STON2: variants seen among roughly 807,000 people sequenced by gnomAD.
The protein encoded by STON2 is stonin 2.
A neutral mutation model predicts 65.7 loss-of-function variants in STON2; 29 were observed. The ratio of observed to expected loss-of-function variants is 0.44; its 90% CI spans 0.33 to 0.60. The LOEUF (loss-of-function observed/expected upper bound fraction) is 0.60, where lower values mean the gene tolerates loss of function less well. Among genes scored for constraint, STON2 ranks in the 20% least tolerant of loss-of-function variants. The pLI, the probability that STON2 is intolerant of heterozygous loss-of-function variation, is 0.03. For missense variants in STON2, 1,054 were observed against 1,118.1 expected (o/e 0.94, Z 0.82); for synonymous variants, 404 against 414.2 (o/e 0.98, Z 0.30).
At chr14:81,344,053 C>T (rs559371196) in intron 4 of STON2, among the ~76,000 whole-genome samples, 34 of 152,004 alleles carry the variant, frequency 2.2e-4, no homozygotes, top group Non-Finnish European at 2.6e-4. Flanking sequence ...CTCTTTCATA[C>T]GGAAAAGACA....
chr14:81,411,518 C>T (rs534441089), intron 2 of STON2, among the ~76,000 whole-genome samples: 1 of 152,282 alleles, frequency 6.6e-6, no homozygotes, highest in South Asian at 2.1e-4. Flanking sequence ...ACCAGCCTGA[C>T]CAACATGGTG....
chr14:81,281,689 C>A (rs181312015), intron 5 of STON2, among the ~76,000 whole-genome samples: 3 of 152,172 alleles, frequency 2.0e-5, no homozygotes, highest in African/African-American at 4.8e-5. Flanking sequence ...GAAAAAAAGG[C>A]CTTTGTCCCT....
intron 4 of STON2, among the ~76,000 whole-genome samples, chr14:81,359,186 G>A (rs1026400135): frequency 1.3e-5 from 2 of 152,182 alleles, no homozygotes; most frequent in Admixed American, 1.3e-4. Flanking sequence ...ATCATATCAA[G>A]TGTGTTTTCT....
rs1394250547 is a variant in STON2 at position 81,277,085 on chromosome 14, G to T, written c.2397C>A (p.Phe799Leu). ...YPVPSEWVKNFRRESVLGEKS... is the reference protein window; with the variant it reads ...YPVPSEWVKNLRRESVLGEKS... ...TTTCCCCCAGGACACTTTCCCTGCG[G>T]AAGTTTTTCACCCACTCACTGGGCA... Residue 799 changes from phenylalanine (F) to leucine (L), a missense_variant, in exon 6 of 8, where the codon TTC becomes TTA. Coordinates refer to ENST00000614646, the MANE Select transcript of STON2 (RefSeq NM_001394390.1). 6.2e-7 allele frequency: 1 copy of T among 1,614,148 alleles called. No individual in the cohort carries two copies. The highest frequency in any genetic ancestry group is 1.1e-5 in the South Asian group (1 of 91,086).
intron 2 of STON2, among the ~76,000 whole-genome samples, chr14:81,422,362 G>A (rs1901746787): frequency 6.6e-6 from 1 of 152,124 alleles, no homozygotes; most frequent in Non-Finnish European, 1.5e-5. Context: ...CTTCCATCCT[G>A]AGTGGAACCA....
At chr14:81,326,569 C>T (rs1193720010) in intron 4 of STON2, among the ~76,000 whole-genome samples, 1 of 152,148 alleles carries the variant, frequency 6.6e-6, no homozygotes, top group Non-Finnish European at 1.5e-5. Flanking sequence ...GGTGTACATA[C>T]AAACATATTG....
chr14:81,396,913 C>T (rs1464916282), intron 2 of STON2, among the ~76,000 whole-genome samples: 1 of 152,098 alleles, frequency 6.6e-6, no homozygotes, highest in Non-Finnish European at 1.5e-5. Context: ...ACAAAATTAG[C>T]CGGGCATGGT....
chr14:81,344,060 G>GAC lies in STON2; in HGVS notation c.572-19875_572-19874dup, dbSNP rs141052546. Among the ~76,000 whole-genome samples, 1,317 of 152,202 alleles carry GAC rather than the reference G, an allele frequency of 8.7e-3. 57 individuals carry two copies. The East Asian group carries it at 0.1, about 12-fold the overall frequency. ...GCTCATGGCTCTTTCATACGGAAAAGACAGAAATATTTGAAAGACTAGCCC... is the reference window on the plus strand; with the variant it reads ...GCTCATGGCTCTTTCATACGGAAAAGACACAGAAATATTTGAAAGACTAGCCC... On this transcript the variant is annotated intron_variant, in intron 4 of 7. Transcript: ENST00000614646.
chr14:81,372,149 CT>C (rs1473932828), intron 3 of STON2, among the ~76,000 whole-genome samples: 1 of 152,186 alleles, frequency 6.6e-6, no homozygotes, highest in Non-Finnish European at 1.5e-5. Context: ...ACTTTAAAAA[CT>C]ACTTTAGAAA....
chr14:81,417,368 GA>G (rs1225533346), intron 2 of STON2, among the ~76,000 whole-genome samples: 3 of 151,616 alleles, frequency 2.0e-5, no homozygotes, highest in Admixed American at 2.0e-4. Flanking sequence ...ATGTTCAGGA[GA>G]AAACCTTAAC....
chr14:81,358,084 G>A (rs932201114), intron 4 of STON2, among the ~76,000 whole-genome samples: 1 of 151,580 alleles, frequency 6.6e-6, no homozygotes, highest in Non-Finnish European at 1.5e-5. Flanking sequence ...AAAACCCAAT[G>A]GTATAAGTAA....
At chr14:81,355,832 G>A (rs1898206032) in intron 4 of STON2, among the ~76,000 whole-genome samples, 1 of 152,072 alleles carries the variant, frequency 6.6e-6, no homozygotes, top group East Asian at 1.9e-4. Flanking sequence ...GTATAAGAAT[G>A]CTTGTGATTT....
At chr14:81,433,254 A>C (rs1902286448) in intron 1 of STON2, among the ~76,000 whole-genome samples, 1 of 152,238 alleles carries the variant, frequency 6.6e-6, no homozygotes, top group Admixed American at 6.5e-5. Flanking sequence ...GTCATGTAAC[A>C]GATGGTGAGA....
In STON2 at chr14:81,262,977, T is replaced by C. The variant is rs920923254; in HGVS notation, c.*5437A>G. 1 of 985,454 alleles carries C rather than the reference T, an allele frequency of 1.0e-6. No individual in the cohort carries two copies. The highest frequency in any genetic ancestry group is 1.2e-6 in the Non-Finnish European group (1 of 829,906). 61.0% of individuals were successfully genotyped at this position (985,454 alleles called of 1,614,324 possible). On this transcript the variant is annotated 3_prime_UTR_variant, in exon 8 of 8. Transcript: ENST00000614646. ...GGAATTAGCACTTAGACCTTGGTAATGTTTAGAAATCATCTTTAGAAACTT... is the reference window on the plus strand; with the variant it reads ...GGAATTAGCACTTAGACCTTGGTAACGTTTAGAAATCATCTTTAGAAACTT...
intron 7 of STON2, chr14:81,269,930 C>G (rs139634844): frequency 1.0e-6 from 1 of 985,388 alleles, no homozygotes; most frequent in Non-Finnish European, 1.2e-6. Flanking sequence ...TAGCCCAGTA[C>G]CCAGGTCATG....
Position 81,278,062 on chromosome 14 carries a change from G to C in STON2, c.1420C>G (p.Pro474Ala). The change falls in exon 6 of 8, where the codon CCT (proline) becomes GCT (alanine). Residue 474 changes from proline (P) to alanine (A), a missense_variant. Pro to Ala is a conservative substitution (Grantham distance 27). Coordinates refer to ENST00000614646, the MANE Select transcript of STON2 (RefSeq NM_001394390.1). Reference sequence around the variant, plus strand: ...CGAGGCTGGGACCGTGCTGATCCAGGCGGGTGAGCATCTAGTTCAATCCAG... The same window carrying C: ...CGAGGCTGGGACCGTGCTGATCCAGCCGGGTGAGCATCTAGTTCAATCCAG... ...VAWIELDAHP[P>A]GSARSQPRDG... The C allele has an allele frequency of 1.2e-6, 2 of 1,614,198 alleles. No homozygotes were observed. Among genetic ancestry groups the C allele is most frequent in the Non-Finnish European group, 1.7e-6 (2 of 1,180,042 alleles).
At chr14:81,383,565 C>T (rs1899639254) in intron 3 of STON2, among the ~76,000 whole-genome samples, 1 of 152,176 alleles carries the variant, frequency 6.6e-6, no homozygotes, top group South Asian at 2.1e-4. Flanking sequence ...ATTCTTCTCA[C>T]AGTTGCTCCA....
chr14:81,368,390 G>C (rs545582278), intron 4 of STON2, among the ~76,000 whole-genome samples: 21 of 152,290 alleles, frequency 1.4e-4, no homozygotes, highest in African/African-American at 4.3e-4. Flanking sequence ...CAGACACTCA[G>C]TAAGTGCTAG....
chr14:81,329,595 T>C (rs953148323), intron 4 of STON2, among the ~76,000 whole-genome samples: 4 of 152,134 alleles, frequency 2.6e-5, no homozygotes, highest in Admixed American at 1.3e-4. Context: ...CACTGACATG[T>C]TGACTTTGGA....
Sources: allele counts gnomAD v4.1 joint callset (sites outside exome capture counted in the v4.1 genomes callset), GRCh38; gene constraint gnomAD v4.1.1; transcripts MANE v1.5; gene names NCBI Gene and HGNC (gene_info 2026-07-23, HGNC 2026-07-21).